Variants in DCC observed in about 807,000 individuals in gnomAD.
The protein encoded by DCC is DCC netrin 1 receptor, also known as netrin receptor DCC.
A neutral mutation model predicts 172.5 loss-of-function variants in DCC; 58 were observed. That is an observed-to-expected ratio of 0.34 (90% CI 0.27 to 0.42). The LOEUF (loss-of-function observed/expected upper bound fraction) is 0.42, where lower values mean the gene tolerates loss of function less well. Ranked by LOEUF, DCC falls within the 10% of genes least tolerant of loss-of-function variation. The pLI is 1.00. For synonymous variants in DCC, 709 were observed against 644.5 expected (o/e 1.10, Z -1.52); for missense variants, 1,740 against 1,791.0 (o/e 0.97, Z 0.51).
chr18:53,126,483 C>T (rs926506163), intron 7 of DCC, among the ~76,000 whole-genome samples: 6 of 151,974 alleles, frequency 3.9e-5, no homozygotes, highest in Admixed American at 1.3e-4. Flanking sequence ...GTTGAGCTGT[C>T]GCTAGGAGCA....
At chr18:52,840,847 G>A (rs1454482658) in intron 2 of DCC, among the ~76,000 whole-genome samples, 1 of 152,102 alleles carries the variant, frequency 6.6e-6, no homozygotes, top group Non-Finnish European at 1.5e-5. Context: ...AGGAAACACA[G>A]CAGTGAACTA....
chr18:53,344,440 C>CTTTTTTTTTTTTTT (rs71175582), intron 15 of DCC, among the ~76,000 whole-genome samples: 11 of 97,060 alleles, frequency 1.1e-4, no homozygotes, highest in East Asian at 3.2e-4. Flanking sequence ...TTTCGTTTTT[C>CTTTTTTTTTTTTTT]TTTTTTTTTT....
chr18:53,456,968 G>C (rs1429940319), intron 23 of DCC, among the ~76,000 whole-genome samples: 1 of 152,160 alleles, frequency 6.6e-6, no homozygotes, highest in African/African-American at 2.4e-5. Flanking sequence ...AGAAGGAGAG[G>C]CTCTCCAAGG....
intron 12 of DCC, among the ~76,000 whole-genome samples, chr18:53,260,615 TG>T (rs1051469687): frequency 2.1e-4 from 32 of 152,230 alleles, no homozygotes; most frequent in Non-Finnish European, 4.0e-4. Flanking sequence ...CTGCCCCTAC[TG>T]GGGGGTGCCT....
In DCC at chr18:53,532,628, G is replaced by C. The variant is rs1286863503; in HGVS notation, c.*1975G>C. The C allele has an allele frequency of 6.6e-6, 1 of 152,022 alleles. No individual in the cohort carries two copies. The highest frequency in any genetic ancestry group is 1.5e-5 in the Non-Finnish European group (1 of 67,998). The allele number at this position is 152,022 out of a possible 1,614,324, so 9.4% of individuals were successfully genotyped here. A position where few individuals can be genotyped will look rare whatever the true frequency, so the allele number is the denominator to read the frequency against. ...TACTTCAAAAAAGAAAATATTCATT[G>C]GGCTAGCCCAACCTTCTCTAGGCCC... On this transcript the variant is annotated 3_prime_UTR_variant, in exon 29 of 29. Transcript: ENST00000442544.
intron 1 of DCC, among the ~76,000 whole-genome samples, chr18:52,559,722 G>T (rs189641627): frequency 1.3e-5 from 2 of 151,626 alleles, no homozygotes; most frequent in Admixed American, 1.3e-4. Context: ...AAAAAAAAGG[G>T]CCCCAAATTT....
intron 1 of DCC, among the ~76,000 whole-genome samples, chr18:52,413,774 C>A (rs1986921636): frequency 6.6e-6 from 1 of 151,906 alleles, no homozygotes; most frequent in African/African-American, 2.4e-5. Context: ...CATAAGGGAG[C>A]ATCTAGTTTT....
chr18:53,507,635 T>C (rs1364505823), intron 27 of DCC, among the ~76,000 whole-genome samples: 1 of 152,188 alleles, frequency 6.6e-6, no homozygotes, highest in African/African-American at 2.4e-5. Context: ...AAAGGGATTC[T>C]ACAAGCTTTT....
chr18:52,897,412 C>A (rs2039747145), intron 2 of DCC, among the ~76,000 whole-genome samples: 1 of 152,186 alleles, frequency 6.6e-6, no homozygotes, highest in South Asian at 2.1e-4. Flanking sequence ...AAGCTCAAAT[C>A]CAACTTTCAA....
chr18:53,214,779 T>G (rs1387893018), intron 11 of DCC, among the ~76,000 whole-genome samples: 2 of 152,142 alleles, frequency 1.3e-5, no homozygotes. Flanking sequence ...ATTCAATAAG[T>G]GGTTGTTTTT....
chr18:52,823,928 GGTT>G (rs1024818182), intron 2 of DCC, among the ~76,000 whole-genome samples: 7 of 152,186 alleles, frequency 4.6e-5, no homozygotes, highest in African/African-American at 1.4e-4. Context: ...AATGCCTGCA[GGTT>G]GTTTATACAG....
At chr18:53,334,058 T>A (rs1323544669) in intron 14 of DCC, among the ~76,000 whole-genome samples, 3 of 152,196 alleles carry the variant, frequency 2.0e-5, no homozygotes, top group Non-Finnish European at 2.9e-5. Context: ...ACCACTCACA[T>A]CTACTCTATA....
intron 12 of DCC, among the ~76,000 whole-genome samples, chr18:53,270,940 TCA>T (rs2056741364): frequency 6.6e-6 from 1 of 152,178 alleles, no homozygotes; most frequent in African/African-American, 2.4e-5. Flanking sequence ...GGCTTAATTC[TCA>T]CAATACTTTG....
intron 5 of DCC, among the ~76,000 whole-genome samples, chr18:53,033,325 G>C (rs2042049484): frequency 6.6e-6 from 1 of 152,136 alleles, no homozygotes; most frequent in Non-Finnish European, 1.5e-5. Flanking sequence ...CCAGCTTCAA[G>C]TGAGACTTAA....
At chr18:53,510,471 A>G (rs988830657) in intron 27 of DCC, among the ~76,000 whole-genome samples, 3 of 152,222 alleles carry the variant, frequency 2.0e-5, no homozygotes, top group African/African-American at 7.2e-5. Flanking sequence ...ATTATCATAA[A>G]TCATTTATTG....
intron 7 of DCC, among the ~76,000 whole-genome samples, chr18:53,134,982 G>T (rs1370247618): frequency 6.6e-6 from 1 of 152,168 alleles, no homozygotes; most frequent in East Asian, 1.9e-4. Flanking sequence ...ATTAGTACTA[G>T]GTTGTCAGTT....
intron 8 of DCC, among the ~76,000 whole-genome samples, chr18:53,177,007 T>C (rs1198315465): frequency 6.6e-6 from 1 of 151,968 alleles, no homozygotes; most frequent in Non-Finnish European, 1.5e-5. Context: ...CCATAAAAAA[T>C]GATGAGTTCA....
chr18:53,031,358 A>T (rs190657867), intron 5 of DCC, among the ~76,000 whole-genome samples: 55 of 152,350 alleles, frequency 3.6e-4, no homozygotes, highest in Admixed American at 9.8e-4. Flanking sequence ...GTTGCATTGT[A>T]AATTAGAGTT....
chr18:52,729,980 T>A (rs1032922369), intron 1 of DCC, among the ~76,000 whole-genome samples: 7 of 152,226 alleles, frequency 4.6e-5, no homozygotes, highest in Admixed American at 4.6e-4. Flanking sequence ...GCTTTCATTG[T>A]TTTATAAATG....
Sources: gnomAD v4.1 joint callset for allele counts (sites outside exome capture counted in the v4.1 genomes callset) on GRCh38, gnomAD v4.1.1 for gene constraint, MANE v1.5 for transcripts, NCBI Gene and HGNC (gene_info 2026-07-23, HGNC 2026-07-21) for gene names.